DHX35: variants seen among roughly 807,000 people sequenced by gnomAD.
The protein encoded by DHX35 is DEAH-box helicase 35.
DHX35 carries 84 observed loss-of-function variants against 99.6 expected under a neutral mutation model. The ratio of observed to expected loss-of-function variants is 0.84; its 90% CI spans 0.71 to 1.01. The LOEUF (loss-of-function observed/expected upper bound fraction) is 1.01. DHX35 is among the 50% of genes least tolerant of loss of function. The pLI is 0.00. For missense variants in DHX35, 852 were observed against 888.5 expected (o/e 0.96, Z 0.52); for synonymous variants, 331 against 316.2 (o/e 1.05, Z -0.50).
intron 3 of DHX35, 22 bp from the exon 4 acceptor site, chr20:38,983,677 T>G: frequency 6.2e-7 from 1 of 1,611,374 alleles, no homozygotes; most frequent in Non-Finnish European, 8.5e-7. Flanking sequence ...ATATGTATAC[T>G]TAGATGTGAT....
At chr20:39,023,853 C>G in intron 17 of DHX35, 86 bp downstream of exon 17, 1 of 1,149,042 alleles carries the variant, frequency 8.7e-7, no homozygotes, top group Non-Finnish European at 1.3e-6. Flanking sequence ...AAGTTCAGTT[C>G]GTAAAGGAAT....
In DHX35 at chr20:38,978,251, G is replaced by A. The variant is rs1281363996; in HGVS notation, c.268-5448G>A. ...TTCATTGCCTCTGCTTCAACAATGT[G>A]CAATTCATCCTTTGCACCAGCCCCT... On this transcript the variant is annotated intron_variant, in intron 3 of 21. Transcript: ENST00000252011. 5.0e-6 allele frequency: 4 copies of A among 802,908 alleles called. No individual in the cohort carries two copies. The African/African-American group carries it at 5.0e-5, about 10-fold the overall frequency. The allele number at this position is 802,908 out of a possible 1,614,324, so 49.7% of individuals were successfully genotyped here.
At position 39,039,513 on chromosome 20, in the gene DHX35, A is replaced by AT. The variant is rs556168340; in HGVS notation, c.*976dup. 1 of 152,296 alleles carries AT rather than the reference A, an allele frequency of 6.6e-6. No homozygotes were observed. Among genetic ancestry groups the AT allele is most frequent in the Non-Finnish European group, 1.5e-5 (1 of 68,024 alleles). The allele number at this position is 152,296 out of a possible 1,614,324, so 9.4% of individuals were successfully genotyped here. Reference sequence around the variant, plus strand: ...GCATTTCAACACATGCCAGATGCAGATTTTTTCCCCCTTACTGTTTCAATG... The same window carrying AT: ...GCATTTCAACACATGCCAGATGCAGATTTTTTTCCCCCTTACTGTTTCAATG... On this transcript the variant is annotated 3_prime_UTR_variant, in exon 22 of 22. Coordinates refer to ENST00000252011, the MANE Select transcript of DHX35 (RefSeq NM_021931.4).
intron 3 of DHX35, among the ~76,000 whole-genome samples, chr20:38,975,921 G>A (rs1397712317): frequency 2.0e-5 from 3 of 152,134 alleles, no homozygotes; most frequent in African/African-American, 7.2e-5. Flanking sequence ...GGGTGACAGT[G>A]TATATAATCC....
At chr20:39,016,714 A>G (rs2086791031) in intron 14 of DHX35, among the ~76,000 whole-genome samples, 1 of 152,030 alleles carries the variant, frequency 6.6e-6, no homozygotes, top group Non-Finnish European at 1.5e-5. Flanking sequence ...TAGCCATCCT[A>G]GTGGGTGTGA....
At chr20:39,019,009 A>T in intron 15 of DHX35, 110 bp downstream of exon 15, 4 of 904,010 alleles carry the variant, frequency 4.4e-6, no homozygotes, top group Non-Finnish European at 7.0e-6. Context: ...AAAGAAGTAT[A>T]TATATATCTG....
intron 2 of DHX35, 148 bp from the exon 3 acceptor site, chr20:38,972,411 G>GT (rs1209904064): frequency 1.7e-6 from 1 of 603,954 alleles, no homozygotes; most frequent in African/African-American, 1.9e-5. Flanking sequence ...GAGAGGAACA[G>GT]TACCTGAGGG....
chr20:39,002,689 C>A, intron 9 of DHX35, 83 bp from the exon 10 acceptor site: 1 of 1,271,276 alleles, frequency 7.9e-7, no homozygotes, highest in Non-Finnish European at 1.1e-6. Context: ...CTTTGATGAG[C>A]TTTGCTGCCA....
chr20:39,000,694 T>A (rs2086504467), intron 8 of DHX35, among the ~76,000 whole-genome samples: 1 of 152,192 alleles, frequency 6.6e-6, no homozygotes, highest in Non-Finnish European at 1.5e-5. Flanking sequence ...GCTCCTGGGT[T>A]TCCTGGAGCA....
At chr20:38,972,240 C>A (rs377424112) in intron 2 of DHX35, among the ~76,000 whole-genome samples, 3 of 152,010 alleles carry the variant, frequency 2.0e-5, no homozygotes, top group African/African-American at 7.2e-5. Flanking sequence ...GAACTCCTGA[C>A]CTCATGATCC....
At chr20:38,989,408 C>T (rs558861640) in intron 5 of DHX35, among the ~76,000 whole-genome samples, 3 of 151,788 alleles carry the variant, frequency 2.0e-5, no homozygotes, top group Non-Finnish European at 2.9e-5. Context: ...CCACTGTGCC[C>T]GGCCGACACA....
intron 14 of DHX35, among the ~76,000 whole-genome samples, chr20:39,016,518 A>G (rs1004763449): frequency 6.6e-6 from 1 of 152,210 alleles, no homozygotes; most frequent in African/African-American, 2.4e-5. Flanking sequence ...TGGATATACC[A>G]CATATTTTTT....
At chr20:38,989,162 A>G (rs1453731038) in intron 5 of DHX35, among the ~76,000 whole-genome samples, 1 of 142,252 alleles carries the variant, frequency 7.0e-6, no homozygotes, top group African/African-American at 2.7e-5. Flanking sequence ...CGGTGGCACG[A>G]TCTCTGCTTG....
At chr20:39,000,391 G>A (rs2086499549) in intron 8 of DHX35, among the ~76,000 whole-genome samples, 1 of 152,126 alleles carries the variant, frequency 6.6e-6, no homozygotes, top group African/African-American at 2.4e-5. Flanking sequence ...TTGTTTGTAT[G>A]TCACTTCTAG....
chr20:39,005,944 A>G (rs774691082), intron 11 of DHX35, among the ~76,000 whole-genome samples: 1 of 152,142 alleles, frequency 6.6e-6, no homozygotes, highest in African/African-American at 2.4e-5. Context: ...AGGTTGAGTA[A>G]CTTGTCCAGG....
intron 13 of DHX35, among the ~76,000 whole-genome samples, chr20:39,014,677 A>G (rs1849010367): frequency 6.6e-6 from 1 of 152,182 alleles, no homozygotes; most frequent in African/African-American, 2.4e-5. Context: ...CATCAAGCTG[A>G]GCCTTAAAGG....
intron 20 of DHX35, 87 bp from the exon 21 acceptor site, chr20:39,034,119 A>G: frequency 7.4e-6 from 7 of 942,592 alleles, no homozygotes; most frequent in Non-Finnish European, 1.2e-5. Flanking sequence ...AACCTGTTAA[A>G]GGTTAAAGGA....
intron 13 of DHX35, among the ~76,000 whole-genome samples, chr20:39,012,304 C>T (rs181250958): frequency 2.7e-4 from 41 of 151,906 alleles, no homozygotes; most frequent in African/African-American, 6.8e-4. Context: ...TGAAAAGCCC[C>T]GCATGTAAAA....
At chr20:38,976,558 T>G (rs576265985) in intron 3 of DHX35, among the ~76,000 whole-genome samples, 2 of 152,290 alleles carry the variant, frequency 1.3e-5, no homozygotes, top group East Asian at 3.9e-4. Context: ...TGGGTCATTA[T>G]CATATCCATC....
Sources: allele counts gnomAD v4.1 joint callset (sites outside exome capture counted in the v4.1 genomes callset), GRCh38; gene constraint gnomAD v4.1.1; transcripts MANE v1.5; gene names NCBI Gene and HGNC (gene_info 2026-07-23, HGNC 2026-07-21).